Variants in CD200R1L observed in about 807,000 individuals in gnomAD.
CD200R1L encodes the protein CD200 receptor 1 like, also known as cell surface glycoprotein CD200 receptor 2.
In CD200R1L, 14 loss-of-function variants were observed where a neutral mutation model predicts 24.8. That is an observed-to-expected ratio of 0.56 (90% CI 0.37 to 0.88). The LOEUF is 0.88. CD200R1L is among the 40% of genes least tolerant of loss of function. The probability of loss-of-function intolerance (pLI) is 0.00; values close to 1 mark genes in which losing one functional copy is unlikely to be tolerated. For missense variants in CD200R1L, 299 were observed against 297.8 expected, an observed-to-expected ratio of 1.00 and a Z score of -0.03; for synonymous variants, 111 against 109.2, an observed-to-expected ratio of 1.02 and a Z score of -0.11.
chr3:112,826,553 C>T (rs190710452), intron 6 of CD200R1L, among the ~76,000 whole-genome samples: 25 of 152,272 alleles, frequency 1.6e-4, no homozygotes, highest in Admixed American at 1.6e-3. Flanking sequence ...CAGCTTCAAA[C>T]TTATAAATAG....
rs369286540 is a variant in CD200R1L, at chr3:112,846,374, T to C, written c.-359+251A>G. On this transcript the variant is annotated intron_variant, in intron 1 of 7. Transcript: ENST00000488794. The stretch of plus-strand genomic sequence containing the variant: ...TAAATTTTCAATAACTATATCACAA[T>C]TTATTCATCAATTTCTCTGTAGATT... 2.6e-4 allele frequency among the ~76,000 whole-genome samples: 40 copies of C among 152,362 alleles called. No homozygotes were observed. The East Asian group carries it at 3.5e-3, about 13-fold the overall frequency.
chr3:112,838,388 C>A (rs1284313099), intron 2 of CD200R1L, among the ~76,000 whole-genome samples: 1 of 151,784 alleles, frequency 6.6e-6, no homozygotes, highest in Non-Finnish European at 1.5e-5. Flanking sequence ...TGATAGACAA[C>A]CTCCCCCACT....
At chr3:112,819,340 G>A (rs1938476576) in intron 7 of CD200R1L, among the ~76,000 whole-genome samples, 1 of 152,090 alleles carries the variant, frequency 6.6e-6, no homozygotes, top group South Asian at 2.1e-4. Flanking sequence ...TGCTTTTTTT[G>A]TGATGTCTCA....
At chr3:112,841,628 A>G (rs930821037) in intron 2 of CD200R1L, among the ~76,000 whole-genome samples, 2 of 152,168 alleles carry the variant, frequency 1.3e-5, no homozygotes, top group African/African-American at 4.8e-5. Flanking sequence ...TGCCTTTCCC[A>G]CAGGACTAGG....
rs1939187311 is a variant in CD200R1L at position 112,845,738 on chromosome 3, T to C, written c.-146A>G. 1.2e-6 allele frequency: 2 copies of C among 1,611,302 alleles called. No homozygotes were observed. The highest frequency in any genetic ancestry group is 1.7e-6 in the Non-Finnish European group (2 of 1,177,920). ...TGGAGCTGACATCTTCCCTAAAGTA[T>C]GCTTTTGGAGTGGTTTTCTACTTAA... On this transcript the variant is annotated 5_prime_UTR_variant, in exon 2 of 8. Transcript: ENST00000488794.
At chr3:112,831,819 T>G (rs1335759343) in intron 3 of CD200R1L, among the ~76,000 whole-genome samples, 2 of 152,174 alleles carry the variant, frequency 1.3e-5, no homozygotes, top group East Asian at 1.9e-4. Context: ...ACACAATAGA[T>G]TTCCATTGCC....
chr3:112,830,508 T>G (rs1216583763), intron 3 of CD200R1L, among the ~76,000 whole-genome samples: 2 of 149,338 alleles, frequency 1.3e-5, no homozygotes, highest in Admixed American at 1.3e-4. Context: ...GTTTTTTTTT[T>G]TTTTTTTTTT....
At chr3:112,820,964 G>A (rs758584504) in intron 6 of CD200R1L, among the ~76,000 whole-genome samples, 2 of 151,486 alleles carry the variant, frequency 1.3e-5, no homozygotes, top group Non-Finnish European at 2.9e-5. Flanking sequence ...GGCGGAGGCA[G>A]GAAAATCTCT....
At chr3:112,836,457 G>C (rs1358311958) in intron 3 of CD200R1L, among the ~76,000 whole-genome samples, 1 of 152,182 alleles carries the variant, frequency 6.6e-6, no homozygotes, top group East Asian at 1.9e-4. Context: ...CTCATAACCA[G>C]CTTTAATTGT....
chr3:112,829,656 A>C, intron 3 of CD200R1L: 1 of 519,602 alleles, frequency 1.9e-6, no homozygotes, highest in Non-Finnish European at 2.5e-6. Flanking sequence ...TGAGGTAACC[A>C]TGCCTCCCCC....
chr3:112,838,834 G>C (rs1057142498), intron 2 of CD200R1L, among the ~76,000 whole-genome samples: 1 of 152,152 alleles, frequency 6.6e-6, no homozygotes, highest in Non-Finnish European at 1.5e-5. Flanking sequence ...AAGTAAAGGA[G>C]ATTATTCTCA....
chr3:112,836,337 C>T (rs1938944862), intron 3 of CD200R1L, among the ~76,000 whole-genome samples: 1 of 152,234 alleles, frequency 6.6e-6, no homozygotes, highest in Admixed American at 6.5e-5. Context: ...AATAGGACAT[C>T]AATAGGCAGA....
At chr3:112,839,882 T>C (rs986392727) in intron 2 of CD200R1L, among the ~76,000 whole-genome samples, 4 of 152,198 alleles carry the variant, frequency 2.6e-5, no homozygotes, top group Non-Finnish European at 4.4e-5. Flanking sequence ...AGACACTTTC[T>C]ATTCTCCTCA....
At chr3:112,846,226 A>G (rs4682440) in intron 1 of CD200R1L, among the ~76,000 whole-genome samples, 1 of 152,068 alleles carries the variant, frequency 6.6e-6, no homozygotes, top group Non-Finnish European at 1.5e-5. Flanking sequence ...TGCTGATATC[A>G]TCTCCTCCAG....
chr3:112,833,955 G>T (rs1224709310), intron 3 of CD200R1L, among the ~76,000 whole-genome samples: 1 of 152,204 alleles, frequency 6.6e-6, no homozygotes, highest in Non-Finnish European at 1.5e-5. Context: ...AGTGGCAAAT[G>T]GTTTGGCTTG....
In CD200R1L at chr3:112,837,250, T is replaced by A. The variant is rs72950329; in HGVS notation, c.-18+692A>T. ...TCTCCCCACATTTTGTGTATTTTTT[T>A]AAATTTACTTCCCATTTAGAATAGT... On this transcript the variant is annotated intron_variant, in intron 3 of 7. Coordinates refer to ENST00000488794, the MANE Select transcript of CD200R1L (RefSeq NM_001199215.3). Among the ~76,000 whole-genome samples the A allele has an allele frequency of 9.2e-3, 1,406 of 152,362 alleles. 24 individuals are homozygous for A. Among genetic ancestry groups the A allele is most frequent in the African/African-American group, 0.032 (1,318 of 41,574 alleles).
At chr3:112,829,866 G>A (rs1486021100) in intron 3 of CD200R1L, among the ~76,000 whole-genome samples, 1 of 152,170 alleles carries the variant, frequency 6.6e-6, no homozygotes, top group Non-Finnish European at 1.5e-5. Flanking sequence ...TAACCAGGAA[G>A]TAGCTCTATA....
chr3:112,818,560 A>G (rs573456408), intron 7 of CD200R1L, among the ~76,000 whole-genome samples: 1 of 152,384 alleles, frequency 6.6e-6, no homozygotes, highest in East Asian at 1.9e-4. Context: ...AAGGTCAGCT[A>G]CTAGCTGACT....
chr3:112,824,340 A>T (rs1938608932), intron 6 of CD200R1L, among the ~76,000 whole-genome samples: 1 of 152,200 alleles, frequency 6.6e-6, no homozygotes, highest in Admixed American at 6.5e-5. Context: ...GGGCTCATGA[A>T]GGAGTAGAGC....
Sources: gnomAD v4.1 joint callset for allele counts (sites outside exome capture counted in the v4.1 genomes callset) on GRCh38, gnomAD v4.1.1 for gene constraint, MANE v1.5 for transcripts, NCBI Gene and HGNC (gene_info 2026-07-23, HGNC 2026-07-21) for gene names.